The following POPDC1 variants were observed in gnomAD, a reference collection of about 807,000 sequenced individuals.
POPDC1 encodes the protein popeye domain-containing protein 1.
the POPDC1 span, among the ~76,000 whole-genome samples, chr6:105,109,277 A>T: frequency 1.3e-5 from 2 of 152,176 alleles, no homozygotes; most frequent in East Asian, 3.9e-4. Flanking sequence ...CTCACCTTTA[A>T]AATTAGTGCA....
the POPDC1 span, among the ~76,000 whole-genome samples, chr6:105,105,328 T>G: frequency 6.6e-6 from 1 of 152,196 alleles, no homozygotes; most frequent in South Asian, 2.1e-4. Context: ...CGCTTGGAAT[T>G]AGAATCACGG....
At chr6:105,124,418 C>T in the POPDC1 span, 2 of 453,304 alleles carry the variant, frequency 4.4e-6, no homozygotes, top group African/African-American at 2.2e-5. Context: ...AGAGACAATA[C>T]TATATATGCC....
At chr6:105,132,240 A>T in the POPDC1 span, among the ~76,000 whole-genome samples, 1 of 152,230 alleles carries the variant, frequency 6.6e-6, no homozygotes, top group African/African-American at 2.4e-5. Context: ...TGCTGGGATT[A>T]CAGGCGTAAG....
At chr6:105,117,365 C>T in the POPDC1 span, among the ~76,000 whole-genome samples, 1 of 152,180 alleles carries the variant, frequency 6.6e-6, no homozygotes, top group African/African-American at 2.4e-5. Context: ...TCGGCTGTTG[C>T]TGATGAATAC....
the POPDC1 span, among the ~76,000 whole-genome samples, chr6:105,133,169 G>T: frequency 1.3e-5 from 2 of 152,166 alleles, no homozygotes; most frequent in African/African-American, 4.8e-5. Flanking sequence ...GTAAGTAAGG[G>T]AGAGATATGG....
At chr6:105,133,300 A>T in the POPDC1 span, 2 of 1,447,446 alleles carry the variant, frequency 1.4e-6, no homozygotes, top group Non-Finnish European at 1.9e-6. Context: ...TGTAAAGCCC[A>T]TCTTATGTCA....
chr6:105,098,183 A>C, the POPDC1 span: 1 of 152,196 alleles, frequency 6.6e-6, no homozygotes, highest in Admixed American at 6.5e-5. Context: ...GTTTTTATCT[A>C]TGTATTTATG....
the POPDC1 span, among the ~76,000 whole-genome samples, chr6:105,108,041 T>C: frequency 6.6e-6 from 1 of 152,202 alleles, no homozygotes; most frequent in Non-Finnish European, 1.5e-5. Context: ...TAGTGGTTCC[T>C]GTGATGAGGT....
chr6:105,129,086 A>G, the POPDC1 span, among the ~76,000 whole-genome samples: 2 of 152,222 alleles, frequency 1.3e-5, no homozygotes, highest in Non-Finnish European at 2.9e-5. Flanking sequence ...TTCCAGGTTA[A>G]CATCTGAATA....
At chr6:105,115,523 T>C in the POPDC1 span, among the ~76,000 whole-genome samples, 1 of 152,226 alleles carries the variant, frequency 6.6e-6, no homozygotes, top group Non-Finnish European at 1.5e-5. Flanking sequence ...ATATGCAATA[T>C]GGGGGAAATG....
the POPDC1 span, chr6:105,133,580 T>G: frequency 6.4e-7 from 1 of 1,565,310 alleles, no homozygotes; most frequent in Non-Finnish European, 8.7e-7. Context: ...TAATTCATTT[T>G]GAAAATTCCT....
At chr6:105,118,357 A>G in the POPDC1 span, among the ~76,000 whole-genome samples, 3 of 152,222 alleles carry the variant, frequency 2.0e-5, no homozygotes, top group Non-Finnish European at 2.9e-5. Context: ...CATTCCTAGG[A>G]AAAAAAGCTT....
At chr6:105,132,231 G>A in the POPDC1 span, among the ~76,000 whole-genome samples, 1 of 152,206 alleles carries the variant, frequency 6.6e-6, no homozygotes, top group Non-Finnish European at 1.5e-5. Context: ...CTACCACAGT[G>A]CTGGGATTAC....
chr6:105,129,815 C>G, the POPDC1 span, among the ~76,000 whole-genome samples: 1 of 152,184 alleles, frequency 6.6e-6, no homozygotes, highest in Non-Finnish European at 1.5e-5. Flanking sequence ...TTTCATCGCA[C>G]TATTCAGAAT....
the POPDC1 span, among the ~76,000 whole-genome samples, chr6:105,123,400 T>C: frequency 1.4e-5 from 2 of 146,882 alleles, no homozygotes; most frequent in Admixed American, 1.3e-4. Flanking sequence ...TTGTTTTTTG[T>C]TGTTGTTTGT....
the POPDC1 span, among the ~76,000 whole-genome samples, chr6:105,129,139 T>A: frequency 6.6e-6 from 1 of 152,332 alleles, no homozygotes; most frequent in South Asian, 2.1e-4. Context: ...AAGGAAAATA[T>A]TATTCATGTT....
the POPDC1 span, among the ~76,000 whole-genome samples, chr6:105,128,281 A>G: frequency 6.6e-6 from 1 of 152,338 alleles, no homozygotes; most frequent in East Asian, 1.9e-4. Context: ...TGTTTTTGCC[A>G]ATGAAATATG....
the POPDC1 span, among the ~76,000 whole-genome samples, chr6:105,128,006 C>T: frequency 4.6e-5 from 7 of 152,352 alleles, no homozygotes; most frequent in East Asian, 1.2e-3. Context: ...ATGACCCACC[C>T]GCCTCGGCTT....
chr6:105,128,458 C>G, the POPDC1 span, among the ~76,000 whole-genome samples: 80 of 152,292 alleles, frequency 5.3e-4, no homozygotes, highest in Non-Finnish European at 1.0e-3. Context: ...AATAGAATCA[C>G]AGCTGACACA....
Sources: allele counts gnomAD v4.1 joint callset (sites outside exome capture counted in the v4.1 genomes callset), GRCh38; gene constraint gnomAD v4.1.1; transcripts MANE v1.5; gene names NCBI Gene and HGNC (gene_info 2026-07-23, HGNC 2026-07-21).